Variants in LRRC37A2 observed in about 807,000 individuals in gnomAD.
LRRC37A2 encodes the protein leucine-rich repeat-containing protein 37A2.
A neutral mutation model predicts 68.8 loss-of-function variants in LRRC37A2; 9 were observed. The observed-to-expected ratio is 0.13, with a 90% CI of 0.08 to 0.23. LRRC37A2 has a LOEUF of 0.23. LRRC37A2 is among the 10% of genes least tolerant of loss of function. LRRC37A2 has a pLI of 1.00. For synonymous variants in LRRC37A2, 63 were observed against 367.6 expected (o/e 0.17, Z 9.48); for missense variants, 168 against 950.4 (o/e 0.18, Z 10.82).
chr17:46,725,453 G>A, the LRRC37A2 span, among the ~76,000 whole-genome samples: 1 of 152,120 alleles, frequency 6.6e-6, no homozygotes, highest in East Asian at 1.9e-4. Context: ...TGGAGAAATT[G>A]TCAGTATTTA....
At chr17:46,739,557 A>G in the LRRC37A2 span, among the ~76,000 whole-genome samples, 1 of 151,872 alleles carries the variant, frequency 6.6e-6, no homozygotes, top group African/African-American at 2.4e-5. Flanking sequence ...ACACAAAAAC[A>G]TAAAACTGGG....
At chr17:47,007,408 C>G in the LRRC37A2 span, among the ~76,000 whole-genome samples, 4 of 152,176 alleles carry the variant, frequency 2.6e-5, no homozygotes, top group Admixed American at 6.5e-5. Context: ...GGAACTCTGA[C>G]CTCAGGTGAT....
chr17:46,953,067 C>T, the LRRC37A2 span, among the ~76,000 whole-genome samples: 5 of 151,314 alleles, frequency 3.3e-5, no homozygotes, highest in African/African-American at 9.7e-5. Context: ...TATTATTTTA[C>T]GTAAGTTTTA....
At chr17:46,798,599 A>G in the LRRC37A2 span, among the ~76,000 whole-genome samples, 16 of 152,284 alleles carry the variant, frequency 1.1e-4, no homozygotes, top group Admixed American at 9.8e-4. Context: ...GCACACAGTG[A>G]CTGCCAGCCC....
chr17:47,018,465 C>A, the LRRC37A2 span: 3 of 1,535,562 alleles, frequency 2.0e-6, no homozygotes, highest in Non-Finnish European at 2.7e-6. Context: ...AGCAGCAGAG[C>A]CTAGTGCAGA....
the LRRC37A2 span, among the ~76,000 whole-genome samples, chr17:46,919,990 G>T: frequency 6.6e-6 from 1 of 151,926 alleles, no homozygotes; most frequent in Non-Finnish European, 1.5e-5. Flanking sequence ...CTATGATCTC[G>T]TTCTAACCTT....
At chr17:46,997,614 T>G in the LRRC37A2 span, among the ~76,000 whole-genome samples, 2 of 152,180 alleles carry the variant, frequency 1.3e-5, no homozygotes, top group East Asian at 3.9e-4. Flanking sequence ...CATCATGGAT[T>G]TGCAATAATC....
chr17:46,891,539 C>T, the LRRC37A2 span, among the ~76,000 whole-genome samples: 446 of 152,300 alleles, frequency 2.9e-3, 1 homozygote, highest in Non-Finnish European at 5.2e-3. Context: ...CCAAGGGGTA[C>T]GCAGCCAGGG....
At chr17:46,711,864 C>A in the LRRC37A2 span, among the ~76,000 whole-genome samples, 1 of 152,098 alleles carries the variant, frequency 6.6e-6, no homozygotes, top group South Asian at 2.1e-4. Context: ...ATGTTTGAGG[C>A]AGAGCATGTG....
At chr17:46,973,662 C>G in the LRRC37A2 span, among the ~76,000 whole-genome samples, 2 of 152,174 alleles carry the variant, frequency 1.3e-5, no homozygotes, top group Non-Finnish European at 2.9e-5. Context: ...CCCCGTCTGC[C>G]GAGCTGGGGT....
the LRRC37A2 span, among the ~76,000 whole-genome samples, chr17:46,788,605 G>A: frequency 2.0e-5 from 3 of 152,136 alleles, no homozygotes; most frequent in Non-Finnish European, 2.9e-5. Context: ...TTATACATCC[G>A]TCACAGGTAA....
chr17:46,816,112 TAC>T, the LRRC37A2 span, among the ~76,000 whole-genome samples: 18 of 31,088 alleles, frequency 5.8e-4, no homozygotes, highest in African/African-American at 1.1e-3. Flanking sequence ...CGCGCGCACG[TAC>T]ACACACACAC....
the LRRC37A2 span, among the ~76,000 whole-genome samples, chr17:46,738,647 C>CT: frequency 6.6e-6 from 1 of 152,132 alleles, no homozygotes; most frequent in African/African-American, 2.4e-5. Flanking sequence ...TGTACCTTTT[C>CT]TTTTTTTAGT....
At chr17:46,993,909 C>T in the LRRC37A2 span, among the ~76,000 whole-genome samples, 4 of 151,874 alleles carry the variant, frequency 2.6e-5, no homozygotes, top group Admixed American at 6.6e-5. Context: ...TTGAAGGTCA[C>T]ACAGCTGGTC....
chr17:46,810,944 G>A, the LRRC37A2 span, among the ~76,000 whole-genome samples: 3 of 152,166 alleles, frequency 2.0e-5, no homozygotes, highest in Non-Finnish European at 4.4e-5. Context: ...CCCAGAGCCC[G>A]CTCTGGCATC....
the LRRC37A2 span, among the ~76,000 whole-genome samples, chr17:46,968,493 C>T: frequency 2.0e-5 from 3 of 152,254 alleles, no homozygotes; most frequent in Non-Finnish European, 4.4e-5. Flanking sequence ...TAACACCCTC[C>T]ACCAGCCACC....
At chr17:46,881,861 A>G in the LRRC37A2 span, among the ~76,000 whole-genome samples, 1 of 152,270 alleles carries the variant, frequency 6.6e-6, no homozygotes, top group African/African-American at 2.4e-5. Flanking sequence ...TTTATCATGT[A>G]TCTCCTAAGG....
the LRRC37A2 span, among the ~76,000 whole-genome samples, chr17:46,977,147 C>G: frequency 6.6e-6 from 1 of 152,312 alleles, no homozygotes; most frequent in South Asian, 2.1e-4. Context: ...GAAACTCCCC[C>G]ACCCCACCTG....
the LRRC37A2 span, among the ~76,000 whole-genome samples, chr17:46,678,751 G>A: frequency 8.1e-6 from 1 of 123,076 alleles, no homozygotes; most frequent in African/African-American, 3.2e-5. Context: ...ATCTTAAAAG[G>A]AGCTAGAGAG....
Sources: gnomAD v4.1 joint callset for allele counts (sites outside exome capture counted in the v4.1 genomes callset) on GRCh38, gnomAD v4.1.1 for gene constraint, MANE v1.5 for transcripts, NCBI Gene and HGNC (gene_info 2026-07-23, HGNC 2026-07-21) for gene names.